PLSCR2: variants seen among roughly 807,000 people sequenced by gnomAD.
PLSCR2 encodes the protein PL scramblase 2.
PLSCR2 carries 18 observed loss-of-function variants against 25.3 expected under a neutral mutation model. The observed-to-expected ratio is 0.71, with a 90% CI of 0.49 to 1.06. The LOEUF is 1.06. PLSCR2 is among the 50% of genes least tolerant of loss of function. PLSCR2 has a pLI of 0.00. For missense variants in PLSCR2, 243 were observed against 269.5 expected, an observed-to-expected ratio of 0.90 and a Z score of 0.69; for synonymous variants, 88 against 87.3, an observed-to-expected ratio of 1.01 and a Z score of -0.04.
chr3:146,493,781 G>A (rs1206078470), intron 1 of PLSCR2, among the ~76,000 whole-genome samples: 1 of 122,314 alleles, frequency 8.2e-6, no homozygotes, highest in African/African-American at 3.2e-5. Flanking sequence ...GTCCAAGGTG[G>A]CGTTTTTTTT....
At chr3:146,484,165 C>T (rs188205167) in intron 1 of PLSCR2, among the ~76,000 whole-genome samples, 191 of 150,654 alleles carry the variant, frequency 1.3e-3, no homozygotes, top group Middle Eastern at 3.4e-3. Flanking sequence ...ATAGCCAAAT[C>T]GATGAAGCAG....
chr3:146,481,958 C>T (rs2043145995), intron 1 of PLSCR2, among the ~76,000 whole-genome samples: 1 of 152,078 alleles, frequency 6.6e-6, no homozygotes, highest in African/African-American at 2.4e-5. Context: ...ACAAACCTGA[C>T]AAGAACAAAA....
At chr3:146,495,197 C>T (rs1220763107) in intron 1 of PLSCR2, among the ~76,000 whole-genome samples, 1 of 152,104 alleles carries the variant, frequency 6.6e-6, no homozygotes, top group African/African-American at 2.4e-5. Flanking sequence ...TTGTTACACT[C>T]CAACTATGGC....
chr3:146,395,359 G>A (rs112998485), intron 3 of PLSCR2, among the ~76,000 whole-genome samples: 57 of 152,218 alleles, frequency 3.7e-4, no homozygotes, highest in Admixed American at 1.0e-3. Flanking sequence ...TTTGTATTGC[G>A]CAAGAGATAG....
chr3:146,410,956 G>A (rs2038827564), intron 2 of PLSCR2, among the ~76,000 whole-genome samples: 1 of 152,160 alleles, frequency 6.6e-6, no homozygotes, highest in African/African-American at 2.4e-5. Flanking sequence ...GGTCGCCACG[G>A]AACTGCAGGT....
At position 146,454,040 on chromosome 3, in the gene PLSCR2, A is replaced by G. The variant is rs780720508; in HGVS notation, c.445T>C (p.Cys149Arg). 6 of 1,608,946 alleles carry G rather than the reference A, an allele frequency of 3.7e-6. No individual in the cohort carries two copies. Among genetic ancestry groups the G allele is most frequent in the South Asian group, 3.3e-5 (3 of 89,878 alleles). ...CCCGCAATACAGCTGCACACGATAC[A>G]TGGACCACTAATTTTTAGTACATCC... Residue 149 changes from cysteine to arginine, a missense_variant, in exon 5 of 7, where the codon TGT becomes CGT. Physicochemically the swap from Cys to Arg is radical, Grantham distance 180. Coordinates refer to ENST00000610787, the Ensembl canonical transcript of PLSCR2.
chr3:146,421,703 C>G (rs1269353274), intron 2 of PLSCR2, among the ~76,000 whole-genome samples: 4 of 152,040 alleles, frequency 2.6e-5, no homozygotes, highest in Non-Finnish European at 4.4e-5. Flanking sequence ...GTAATTAGTT[C>G]TATGAATACT....
intron 2 of PLSCR2, among the ~76,000 whole-genome samples, chr3:146,406,212 T>C (rs2038655424): frequency 6.6e-6 from 1 of 152,180 alleles, no homozygotes; most frequent in South Asian, 2.1e-4. Flanking sequence ...GTTACACCTG[T>C]CTAATCAGGG....
At chr3:146,459,930 G>C (rs1366744963) in exon 2 of PLSCR2, 2 of 1,614,064 alleles carry the variant, frequency 1.2e-6, no homozygotes, top group South Asian at 2.2e-5. Context: ...AGGTCTACCT[G>C]GCTGATTTTG....
intron 8 of PLSCR2, among the ~76,000 whole-genome samples, chr3:146,434,663 T>C (rs2039718659): frequency 6.6e-6 from 1 of 152,042 alleles, no homozygotes; most frequent in Admixed American, 6.6e-5. Context: ...ACAAATGATT[T>C]TATTTATTTT....
At chr3:146,483,200 AC>A (rs1248173786) in intron 1 of PLSCR2, among the ~76,000 whole-genome samples, 1 of 149,164 alleles carries the variant, frequency 6.7e-6, no homozygotes, top group African/African-American at 2.5e-5. Flanking sequence ...AAGAAAAAAA[AC>A]AAACAACCCC....
At chr3:146,397,277 T>A (rs2038308361) in intron 2 of PLSCR2, among the ~76,000 whole-genome samples, 2 of 152,156 alleles carry the variant, frequency 1.3e-5, no homozygotes, top group Admixed American at 1.3e-4. Flanking sequence ...CGTTTCTTAA[T>A]TTTTTGGTGT....
intron 6 of PLSCR2, among the ~76,000 whole-genome samples, chr3:146,448,546 G>A (rs558326744): frequency 2.6e-5 from 4 of 152,268 alleles, no homozygotes; most frequent in African/African-American, 4.8e-5. Flanking sequence ...TTTCTACTGT[G>A]TAGCTAAGGT....
Position 146,469,558 on chromosome 3 carries a change from G to A in PLSCR2, c.-292-9274C>T. On this transcript the variant is annotated intron_variant, in intron 1 of 8. It adds an upstream start codon to the 5' untranslated region. Coordinates refer to the PLSCR2 transcript ENST00000336685. ...CGAGGTCCTAGCGTGGCTTCCTCCC[G>A]TCTGCCCCGTGACTGCCAGGCACAC... The A allele has an allele frequency of 3.0e-6, 3 of 985,378 alleles. No homozygotes were observed. Among genetic ancestry groups the A allele is most frequent in the South Asian group, 9.4e-5 (2 of 21,288 alleles). The allele number at this position is 985,378 out of a possible 1,614,324, so 61.0% of individuals were successfully genotyped here.
chr3:146,455,041 C>T (rs961534438), intron 4 of PLSCR2, among the ~76,000 whole-genome samples, 198 bp downstream of exon 4: 1 of 152,180 alleles, frequency 6.6e-6, no homozygotes, highest in Non-Finnish European at 1.5e-5. Flanking sequence ...CCCCATGAGG[C>T]AGACTGCTGC....
intron 3 of PLSCR2, among the ~76,000 whole-genome samples, chr3:146,391,956 A>G (rs184550200): frequency 2.6e-5 from 4 of 152,262 alleles, no homozygotes; most frequent in African/African-American, 9.6e-5. Flanking sequence ...AATTACTCCA[A>G]GACATACATA....
intron 5 of PLSCR2, among the ~76,000 whole-genome samples, chr3:146,450,470 T>C (rs1025314964): frequency 2.0e-5 from 3 of 152,278 alleles, no homozygotes; most frequent in Non-Finnish European, 4.4e-5. Context: ...CCTCCCATTG[T>C]AGTCTGAAGC....
At chr3:146,426,195 TTCCCTCCTTCCTTCCC>T (rs1370456722) in intron 2 of PLSCR2, among the ~76,000 whole-genome samples, 1 of 139,194 alleles carries the variant, frequency 7.2e-6, no homozygotes, top group Non-Finnish European at 1.6e-5. Context: ...CCCTCCCTCC[TTCCCTCCTTCCTTCCC>T]TCCCTCCTTC....
chr3:146,403,504 G>T (rs566012588), intron 2 of PLSCR2, among the ~76,000 whole-genome samples: 1 of 152,286 alleles, frequency 6.6e-6, no homozygotes, highest in East Asian at 1.9e-4. Flanking sequence ...AGAGTCACTG[G>T]CTTGGAGAAA....
Sources: gnomAD v4.1 joint callset for allele counts (sites outside exome capture counted in the v4.1 genomes callset) on GRCh38, gnomAD v4.1.1 for gene constraint, MANE v1.5 for transcripts, NCBI Gene and HGNC (gene_info 2026-07-23, HGNC 2026-07-21) for gene names.